The following KCNQ3 variants were observed in gnomAD, a reference collection of about 807,000 sequenced individuals.
The protein encoded by KCNQ3 is potassium voltage-gated channel subfamily KQT member 3.
Under a neutral mutation model 92.5 loss-of-function variants are expected in KCNQ3, and 30 were observed. The ratio of observed to expected loss-of-function variants is 0.32; its 90% CI spans 0.24 to 0.44. The LOEUF (loss-of-function observed/expected upper bound fraction) is 0.44. Among genes scored for constraint, KCNQ3 ranks in the 20% least tolerant of loss-of-function variants. The pLI is 1.00. For synonymous variants in KCNQ3, 450 were observed against 468.8 expected (o/e 0.96, Z 0.52); for missense variants, 913 against 1,140.3 (o/e 0.80, Z 2.87).
At chr8:132,326,006 G>C (rs527558633) in intron 1 of KCNQ3, among the ~76,000 whole-genome samples, 2 of 152,196 alleles carry the variant, frequency 1.3e-5, no homozygotes, top group African/African-American at 4.8e-5. Flanking sequence ...GGCTTTGTGG[G>C]AGGCAAGTGG....
intron 1 of KCNQ3, among the ~76,000 whole-genome samples, chr8:132,437,691 C>T (rs933760613): frequency 6.6e-6 from 1 of 152,192 alleles, no homozygotes; most frequent in Non-Finnish European, 1.5e-5. Context: ...TTCTCATGCA[C>T]CGTATTTTCA....
chr8:132,447,835 T>A (rs528813190), intron 1 of KCNQ3, among the ~76,000 whole-genome samples: 20 of 152,228 alleles, frequency 1.3e-4, no homozygotes, highest in African/African-American at 4.3e-4. Context: ...ATAAAAATAA[T>A]TGAAAGCATT....
At chr8:132,373,206 C>T (rs1049133723) in intron 1 of KCNQ3, among the ~76,000 whole-genome samples, 8 of 152,018 alleles carry the variant, frequency 5.3e-5, no homozygotes, top group African/African-American at 1.9e-4. Context: ...CAGCCACCTG[C>T]GGTCTGAACA....
At chr8:132,287,886 T>C (rs975253192) in intron 1 of KCNQ3, among the ~76,000 whole-genome samples, 1 of 152,176 alleles carries the variant, frequency 6.6e-6, no homozygotes, top group African/African-American at 2.4e-5. Context: ...CACAACATTA[T>C]GCATGTAGTG....
rs1337857803 is a variant in KCNQ3 at position 132,125,350 on chromosome 8, T to A, written c.*3912A>T. On this transcript the variant is annotated 3_prime_UTR_variant, in exon 15 of 15. Transcript: ENST00000388996. ...AAGCTAGGAAGCATTTCTGTCTGTATAGAGTTGTTTGCAGGGATGAAATCA... is the reference window on the plus strand; with the variant it reads ...AAGCTAGGAAGCATTTCTGTCTGTAAAGAGTTGTTTGCAGGGATGAAATCA... 6.6e-6 allele frequency: 1 copy of A among 152,198 alleles called. No individual in the cohort carries two copies. Among genetic ancestry groups the A allele is most frequent in the Non-Finnish European group, 1.5e-5 (1 of 68,046 alleles). The allele number at this position is 152,198 out of a possible 1,614,324, so 9.4% of individuals were successfully genotyped here. A position where few individuals can be genotyped will look rare whatever the true frequency, so the allele number is the denominator to read the frequency against.
At chr8:132,416,476 C>T (rs1467080114) in intron 1 of KCNQ3, among the ~76,000 whole-genome samples, 3 of 152,028 alleles carry the variant, frequency 2.0e-5, no homozygotes, top group Non-Finnish European at 4.4e-5. Context: ...AAAAATTAGC[C>T]AGACATGATG....
At chr8:132,379,061 A>T (rs1191974232) in intron 1 of KCNQ3, among the ~76,000 whole-genome samples, 4 of 152,228 alleles carry the variant, frequency 2.6e-5, no homozygotes, top group Non-Finnish European at 5.9e-5. Context: ...CACCCCTCAT[A>T]CAGAAGTCCC....
chr8:132,250,053 G>T (rs553058849), intron 1 of KCNQ3, among the ~76,000 whole-genome samples: 1 of 152,154 alleles, frequency 6.6e-6, no homozygotes, highest in Non-Finnish European at 1.5e-5. Flanking sequence ...ACACCTCCCC[G>T]CAAGCAGAGG....
chr8:132,292,322 C>T (rs1816882559), intron 1 of KCNQ3, among the ~76,000 whole-genome samples: 1 of 152,110 alleles, frequency 6.6e-6, no homozygotes, highest in Admixed American at 6.5e-5. Flanking sequence ...ATATGCACCA[C>T]CTATGTAATT....
intron 9 of KCNQ3, among the ~76,000 whole-genome samples, chr8:132,142,166 TGTTTA>T (rs1825318064): frequency 1.3e-5 from 2 of 152,228 alleles, no homozygotes; most frequent in African/African-American, 4.8e-5. Flanking sequence ...TATTGTATTT[TGTTTA>T]TAGATTCAAA....
At chr8:132,152,721 C>T (rs1825679711) in intron 9 of KCNQ3, among the ~76,000 whole-genome samples, 1 of 152,088 alleles carries the variant, frequency 6.6e-6, no homozygotes, top group Non-Finnish European at 1.5e-5. Context: ...TCTAACAGGC[C>T]CAGGAGTTCC....
rs866806125 is a variant in KCNQ3, at chr8:132,230,457, G to C, written c.387-44276C>G. Reference sequence around the variant, plus strand: ...GCAGAGAGAGAGAGAGACAGAGAGAGAGAGAGAGAGAGAGAGAGAGAGAGA... The same window carrying C: ...GCAGAGAGAGAGAGAGACAGAGAGACAGAGAGAGAGAGAGAGAGAGAGAGA... On this transcript the variant is annotated intron_variant, in intron 1 of 14. Coordinates refer to ENST00000388996, the MANE Select transcript of KCNQ3 (RefSeq NM_004519.4). 4.2e-3 allele frequency among the ~76,000 whole-genome samples: 612 copies of C among 145,506 alleles called. 4 individuals carry two copies. Among genetic ancestry groups the C allele is most frequent in the African/African-American group, 0.016 (578 of 36,898 alleles).
intron 1 of KCNQ3, among the ~76,000 whole-genome samples, chr8:132,373,788 G>T (rs1355332550): frequency 6.6e-6 from 1 of 152,164 alleles, no homozygotes; most frequent in Admixed American, 6.5e-5. Flanking sequence ...CAAGGAGACA[G>T]CTGCCCTGAA....
At chr8:132,385,335 C>T (rs996079865) in intron 1 of KCNQ3, among the ~76,000 whole-genome samples, 1 of 152,232 alleles carries the variant, frequency 6.6e-6, no homozygotes, top group Non-Finnish European at 1.5e-5. Context: ...GCATGCATGC[C>T]ATTGTCCAAC....
At chr8:132,341,767 G>GA (rs909480975) in intron 1 of KCNQ3, among the ~76,000 whole-genome samples, 1 of 152,034 alleles carries the variant, frequency 6.6e-6, no homozygotes, top group Admixed American at 6.6e-5. Context: ...GAAACCTGTG[G>GA]AAAAAAGAGA....
intron 1 of KCNQ3, among the ~76,000 whole-genome samples, chr8:132,406,132 G>A (rs116095483): frequency 0.016 from 2,499 of 152,300 alleles, 67 homozygotes; most frequent in African/African-American, 0.057. Flanking sequence ...CTGATAGAAA[G>A]AAGGGTGTCG....
At chr8:132,437,008 GGTGGCTCACGCCT>G (rs1238845134) in intron 1 of KCNQ3, among the ~76,000 whole-genome samples, 4 of 152,080 alleles carry the variant, frequency 2.6e-5, no homozygotes, top group Admixed American at 6.6e-5. Context: ...GGCCGGGCGC[GGTGGCTCACGCCT>G]GTAATCCCAG....
chr8:132,230,966 T>C (rs773049384), intron 1 of KCNQ3, among the ~76,000 whole-genome samples: 3 of 152,202 alleles, frequency 2.0e-5, no homozygotes, highest in Non-Finnish European at 4.4e-5. Flanking sequence ...AATGAGGTTA[T>C]GATGGGCCCA....
chr8:132,325,112 G>A (rs1389024347), intron 1 of KCNQ3, among the ~76,000 whole-genome samples: 5 of 151,888 alleles, frequency 3.3e-5, no homozygotes, highest in South Asian at 2.1e-4. Context: ...CAGAGCTGAC[G>A]CCCACATGGT....
Sources: gnomAD v4.1 joint callset for allele counts (sites outside exome capture counted in the v4.1 genomes callset) on GRCh38, gnomAD v4.1.1 for gene constraint, MANE v1.5 for transcripts, NCBI Gene and HGNC (gene_info 2026-07-23, HGNC 2026-07-21) for gene names.